Variants in CACHD1 observed in about 807,000 individuals in gnomAD.
CACHD1 encodes the protein cache domain containing 1, also known as VWFA and cache domain-containing protein 1.
In CACHD1, 71 loss-of-function variants were observed where a neutral mutation model predicts 138.7. The observed-to-expected ratio is 0.51, with a 90% CI of 0.42 to 0.62. The LOEUF (loss-of-function observed/expected upper bound fraction) is 0.62, where lower values mean the gene tolerates loss of function less well. CACHD1 is among the 20% of genes least tolerant of loss of function. The probability of loss-of-function intolerance (pLI) is 0.00; values close to 1 mark genes in which losing one functional copy is unlikely to be tolerated. For synonymous variants in CACHD1, 578 were observed against 591.5 expected (o/e 0.98, Z 0.33); for missense variants, 1,389 against 1,625.3 (o/e 0.85, Z 2.50).
At chr1:64,475,140 G>A (rs914442382) in intron 1 of CACHD1, among the ~76,000 whole-genome samples, 2 of 150,910 alleles carry the variant, frequency 1.3e-5, no homozygotes, top group African/African-American at 4.9e-5. Flanking sequence ...TTCTTTGTAT[G>A]CAGTAAAACA....
At chr1:64,534,394 C>G in intron 1 of CACHD1, among the ~76,000 whole-genome samples, 1 of 152,128 alleles carries the variant, frequency 6.6e-6, no homozygotes, top group South Asian at 2.1e-4. Context: ...TGTAAAATCT[C>G]ATTAGGAGAG....
At chr1:64,619,272 G>A (rs1186492745) in intron 4 of CACHD1, among the ~76,000 whole-genome samples, 1 of 152,142 alleles carries the variant, frequency 6.6e-6, no homozygotes, top group Non-Finnish European at 1.5e-5. Context: ...TCAACAAATG[G>A]GAAGTGAGAA....
At chr1:64,527,036 A>G (rs1646545419) in intron 1 of CACHD1, among the ~76,000 whole-genome samples, 2 of 152,190 alleles carry the variant, frequency 1.3e-5, no homozygotes, top group South Asian at 4.1e-4. Flanking sequence ...ATCCTACCTG[A>G]TTTCTTCTCT....
chr1:64,506,510 A>G (rs1003875985), intron 1 of CACHD1: 1 of 152,274 alleles, frequency 6.6e-6, no homozygotes, highest in Non-Finnish European at 1.5e-5. Flanking sequence ...ATTTTAATGC[A>G]GAGGAGGATT....
chr1:64,549,506 C>A lies in CACHD1; in HGVS notation c.199-1088C>A, dbSNP rs141417560. On this transcript the variant is annotated intron_variant, in intron 1 of 26. Coordinates refer to ENST00000651257, the MANE Select transcript of CACHD1 (RefSeq NM_020925.4). Reference sequence around the variant, plus strand: ...CTTCCCTCCATCCTGCACTCCACCCCCCGACCAAACCTCCCTCTAAGCCCC... The same window carrying A: ...CTTCCCTCCATCCTGCACTCCACCCACCGACCAAACCTCCCTCTAAGCCCC... Among the ~76,000 whole-genome samples, 37 of 152,258 alleles carry A rather than the reference C, an allele frequency of 2.4e-4. No homozygotes were observed. In the East Asian group the frequency reaches 4.1e-3, roughly 17 times the overall value.
intron 16 of CACHD1, among the ~76,000 whole-genome samples, chr1:64,669,716 T>TTATGA (rs1332654294): frequency 3.9e-5 from 6 of 152,184 alleles, no homozygotes; most frequent in Admixed American, 3.9e-4. Context: ...GTATCATTCT[T>TTATGA]TATGAGTTGC....
chr1:64,671,736 G>T, intron 17 of CACHD1, 50 bp downstream of exon 17: 1 of 1,610,826 alleles, frequency 6.2e-7, no homozygotes, highest in African/African-American at 1.3e-5. Context: ...TTTAAAAATA[G>T]ATGTCAGGTA....
chr1:64,671,437 G>A (rs1245551801), intron 16 of CACHD1, 127 bp from the exon 17 acceptor site: 8 of 969,188 alleles, frequency 8.3e-6, no homozygotes, highest in African/African-American at 1.6e-5. Flanking sequence ...ATTTTTGTAG[G>A]TGGGAAAAGT....
chr1:64,616,985 C>CT lies in CACHD1; in HGVS notation c.518-12359dup, dbSNP rs928111340. ...ATAGGAATGTTTTTCATCATTATTG[C>CT]TTTTTTTTTTTAAGTTAGAGAAACT... On this transcript the variant is annotated intron_variant, in intron 4 of 26. Transcript: ENST00000651257. Among the ~76,000 whole-genome samples the CT allele has an allele frequency of 9.5e-4, 137 of 144,778 alleles. No individual in the cohort carries two copies. In the South Asian group the frequency reaches 9.6e-3, roughly 10 times the overall value. 95.0% of individuals were successfully genotyped at this position (144,778 alleles called of 152,430 possible).
At chr1:64,573,137 A>G (rs559280389) in intron 2 of CACHD1, among the ~76,000 whole-genome samples, 1 of 152,192 alleles carries the variant, frequency 6.6e-6, no homozygotes, top group African/African-American at 2.4e-5. Context: ...CTGAAGCCCT[A>G]ACCCCCAATG....
At chr1:64,613,218 C>A (rs1647592893) in intron 4 of CACHD1, among the ~76,000 whole-genome samples, 1 of 152,022 alleles carries the variant, frequency 6.6e-6, no homozygotes, top group Admixed American at 6.6e-5. Context: ...TATGGATGAG[C>A]AATGAAAATA....
chr1:64,562,672 T>G (rs1646851376), intron 2 of CACHD1, among the ~76,000 whole-genome samples: 1 of 151,514 alleles, frequency 6.6e-6, no homozygotes, highest in Non-Finnish European at 1.5e-5. Context: ...CTGCCTGCCT[T>G]GGCCTCCCAA....
intron 1 of CACHD1, among the ~76,000 whole-genome samples, chr1:64,544,687 T>C (rs530065482): frequency 6.6e-6 from 1 of 152,168 alleles, no homozygotes; most frequent in South Asian, 2.1e-4. Flanking sequence ...TCAACTGTTA[T>C]TATGTGACTC....
intron 1 of CACHD1, among the ~76,000 whole-genome samples, chr1:64,488,470 T>TAG (rs976935780): frequency 1.3e-5 from 2 of 152,198 alleles, no homozygotes; most frequent in African/African-American, 2.4e-5. Flanking sequence ...TTTTCCAAAA[T>TAG]GTCTGACATT....
intron 3 of CACHD1, among the ~76,000 whole-genome samples, chr1:64,586,590 T>C (rs1328314174): frequency 6.6e-6 from 1 of 152,176 alleles, no homozygotes; most frequent in Non-Finnish European, 1.5e-5. Context: ...TGAGCCTCAG[T>C]TTCCTCATCA....
intron 3 of CACHD1, among the ~76,000 whole-genome samples, chr1:64,597,619 A>G (rs984270031): frequency 7.7e-6 from 1 of 130,304 alleles, no homozygotes; most frequent in Non-Finnish European, 1.6e-5. Context: ...GTTTTATCTT[A>G]TGAAAATGAG....
chr1:64,497,147 CTG>C (rs1381935764), intron 1 of CACHD1, among the ~76,000 whole-genome samples: 1 of 152,170 alleles, frequency 6.6e-6, no homozygotes, highest in Non-Finnish European at 1.5e-5. Flanking sequence ...GAGACATAGT[CTG>C]TAATTTTATA....
chr1:64,659,079 G>A lies in CACHD1; in HGVS notation c.1951+206G>A, dbSNP rs932470307. On this transcript the variant is annotated intron_variant, in intron 13 of 26. Coordinates refer to ENST00000651257, the MANE Select transcript of CACHD1 (RefSeq NM_020925.4). ...CTCTGAGACAAGGTTTCGTGTGCTC[G>A]CGATTTATATAGGATGGGCTTTGAG... Among the ~76,000 whole-genome samples, 6 of 152,110 alleles carry A rather than the reference G, an allele frequency of 3.9e-5. 1 individual carries two copies. Among genetic ancestry groups the A allele is most frequent in the South Asian group, 4.2e-4 (2 of 4,818 alleles).
At chr1:64,484,495 G>C (rs1435385397) in intron 1 of CACHD1, among the ~76,000 whole-genome samples, 4 of 152,186 alleles carry the variant, frequency 2.6e-5, no homozygotes, top group African/African-American at 7.2e-5. Context: ...ATATTTCCCA[G>C]TAGCTCTTTT....
Sources: gnomAD v4.1 joint callset for allele counts (sites outside exome capture counted in the v4.1 genomes callset) on GRCh38, gnomAD v4.1.1 for gene constraint, MANE v1.5 for transcripts, NCBI Gene and HGNC (gene_info 2026-07-23, HGNC 2026-07-21) for gene names.